TCF25: variants seen among roughly 807,000 people sequenced by gnomAD.
The protein encoded by TCF25 is ribosome quality control complex subunit TCF25.
TCF25 carries 41 observed loss-of-function variants against 83.1 expected under a neutral mutation model. The observed-to-expected ratio is 0.49, with a 90% CI of 0.38 to 0.64. The LOEUF is 0.64. Ranked by LOEUF, TCF25 falls within the 30% of genes least tolerant of loss-of-function variation. The pLI, the probability that TCF25 is intolerant of heterozygous loss-of-function variation, is 0.00. For missense variants in TCF25, 979 were observed against 914.5 expected, an observed-to-expected ratio of 1.07 and a Z score of -0.91; for synonymous variants, 458 against 365.0, an observed-to-expected ratio of 1.25 and a Z score of -2.90.
At chr16:89,896,798 C>T (rs2043893201) in intron 9 of TCF25, among the ~76,000 whole-genome samples, 1 of 152,094 alleles carries the variant, frequency 6.6e-6, no homozygotes, top group African/African-American at 2.4e-5. Context: ...TTGCGATCCA[C>T]CCGCCTCGGC....
At chr16:89,875,769 G>A (rs1235376251) in intron 1 of TCF25, among the ~76,000 whole-genome samples, 2 of 146,266 alleles carry the variant, frequency 1.4e-5, no homozygotes, top group East Asian at 2.0e-4. Context: ...TGATCCGCCT[G>A]CCTCGGCCTC....
At chr16:89,886,842 C>G (rs549052056) in intron 4 of TCF25, among the ~76,000 whole-genome samples, 27 of 152,088 alleles carry the variant, frequency 1.8e-4, no homozygotes, top group African/African-American at 6.3e-4. Flanking sequence ...GAGGCTGAGG[C>G]AGGAGAATCG....
rs549723558 is a variant in TCF25, at chr16:89,906,029, C to T, written c.1629-165C>T. 4.8e-5 allele frequency: 31 copies of T among 642,540 alleles called. No homozygotes were observed. In the African/African-American group the frequency reaches 5.5e-4, roughly 11 times the overall value. The allele number at this position is 642,540 out of a possible 1,614,324, so 39.8% of individuals were successfully genotyped here. A position where few individuals can be genotyped will look rare whatever the true frequency, so the allele number is the denominator to read the frequency against. On this transcript the variant is annotated intron_variant, in intron 14 of 17. Transcript: ENST00000263346. Reference sequence around the variant, plus strand: ...GGCTCCCCAGCCGCAGGCCAGGGACCAGCCATGGTGCCTCTGCTCGAGAGT... The same window carrying T: ...GGCTCCCCAGCCGCAGGCCAGGGACTAGCCATGGTGCCTCTGCTCGAGAGT...
Position 89,905,861 on chromosome 16 carries a change from G to A in TCF25, c.1629-333G>A, listed in dbSNP as rs538586372. 2.0e-4 allele frequency among the ~76,000 whole-genome samples: 31 copies of A among 152,358 alleles called. 1 individual carries two copies. Among genetic ancestry groups the A allele is most frequent in the Middle Eastern group, 3.4e-3 (1 of 294 alleles). On this transcript the variant is annotated intron_variant, in intron 14 of 17. Transcript: ENST00000263346. ...CTGTGCCTGTAGCCGTAGCAGTGAC[G>A]ATGGTGACACACCCAGGTGTCCCTT... is the stretch of plus-strand genomic sequence containing the variant.
At chr16:89,882,133 A>G (rs2042656340) in intron 1 of TCF25, among the ~76,000 whole-genome samples, 1 of 152,176 alleles carries the variant, frequency 6.6e-6, no homozygotes, top group African/African-American at 2.4e-5. Context: ...TCCAATCTGT[A>G]TGTGAATGTA....
intron 6 of TCF25, 33 bp from the exon 7 acceptor site, chr16:89,893,695 G>A (rs192966023): frequency 6.5e-5 from 105 of 1,612,882 alleles, no homozygotes; most frequent in East Asian, 4.5e-4. Context: ...CCCTGCTCCC[G>A]GCACACCCTC....
At chr16:89,906,630 G>A (rs2044809292) in intron 15 of TCF25, among the ~76,000 whole-genome samples, 3 of 152,184 alleles carry the variant, frequency 2.0e-5, no homozygotes, top group Admixed American at 2.0e-4. Context: ...CTGTGCTGGA[G>A]GTGCCGTTTC....
Position 89,909,339 on chromosome 16 carries a change from G to A in TCF25, c.1800-1252G>A, listed in dbSNP as rs145604537. 9.3e-4 allele frequency: 340 copies of A among 365,338 alleles called. 1 individual carries two copies. The highest frequency in any genetic ancestry group is 2.1e-3 in the Middle Eastern group (2 of 962). 22.6% of individuals were successfully genotyped at this position (365,338 alleles called of 1,614,324 possible). On this transcript the variant is annotated intron_variant, in intron 16 of 17. Transcript: ENST00000263346. ...AGCCTGGCCAACGTGCTGAAAACCC[G>A]TCTCTACTAAAATACAAAAAAATTA...
chr16:89,885,128 C>A (rs899897369), intron 3 of TCF25, among the ~76,000 whole-genome samples: 3 of 151,326 alleles, frequency 2.0e-5, no homozygotes, highest in East Asian at 1.9e-4. Context: ...CTGACGCTCT[C>A]TCCATTCTCT....
chr16:89,882,829 C>T (rs1298305178), intron 1 of TCF25, among the ~76,000 whole-genome samples: 1 of 152,150 alleles, frequency 6.6e-6, no homozygotes, highest in African/African-American at 2.4e-5. Flanking sequence ...TCAAGTGATC[C>T]GCCTGCATCA....
chr16:89,896,850 G>A (rs1170503180), intron 9 of TCF25, among the ~76,000 whole-genome samples: 2 of 152,026 alleles, frequency 1.3e-5, no homozygotes, highest in African/African-American at 2.4e-5. Flanking sequence ...CACCGCGCCC[G>A]GCCACTACAG....
At position 89,898,449 on chromosome 16, in the gene TCF25, C is replaced by G. The variant is rs978043957; in HGVS notation, c.1023-108C>G. On this transcript the variant is annotated intron_variant, in intron 9 of 17. Coordinates refer to ENST00000263346, the MANE Select transcript of TCF25 (RefSeq NM_014972.3). ...GTGGGGTGGAATGGGTGGTACTGGC[C>G]AGGACGCTGAGCAGAGGGCGGGGTG... 20 of 1,079,148 alleles carry G rather than the reference C, an allele frequency of 1.9e-5. No homozygotes were observed. In the African/African-American group the frequency reaches 2.9e-4, roughly 15 times the overall value. 66.8% of individuals were successfully genotyped at this position (1,079,148 alleles called of 1,614,324 possible). A position where few individuals can be genotyped will look rare whatever the true frequency, so the allele number is the denominator to read the frequency against.
chr16:89,907,029 C>T (rs1001019478), intron 15 of TCF25, among the ~76,000 whole-genome samples: 50 of 152,054 alleles, frequency 3.3e-4, no homozygotes, highest in Admixed American at 3.9e-4. Flanking sequence ...AGGTTCATCT[C>T]GACTCCCGTG....
rs549398130 is a variant in TCF25, at chr16:89,901,390, T to G, written c.1381+596T>G. On this transcript the variant is annotated intron_variant, in intron 12 of 17. Coordinates refer to ENST00000263346, the MANE Select transcript of TCF25 (RefSeq NM_014972.3). ...GGAGCTGTGAGGGGTGAGGGTGAAA[T>G]CCCTCCTTAAGACGAGCCTCCTCTG... is the stretch of plus-strand genomic sequence containing the variant. Among the ~76,000 whole-genome samples the G allele has an allele frequency of 5.9e-5, 9 of 151,618 alleles. 1 individual carries two copies. The South Asian group carries it at 1.9e-3, about 31-fold the overall frequency.
chr16:89,896,617 G>C (rs1156486774), intron 9 of TCF25, among the ~76,000 whole-genome samples: 1 of 148,930 alleles, frequency 6.7e-6, no homozygotes, highest in Non-Finnish European at 1.5e-5. Flanking sequence ...GCAGGGGCGC[G>C]ATCTCGGCTC....
intron 14 of TCF25, among the ~76,000 whole-genome samples, chr16:89,905,492 T>C (rs2044700439): frequency 6.6e-6 from 1 of 152,206 alleles, no homozygotes; most frequent in South Asian, 2.1e-4. Flanking sequence ...CATGCCCTAA[T>C]ATGCTGCAAC....
At chr16:89,876,528 T>C (rs898745714) in intron 1 of TCF25, among the ~76,000 whole-genome samples, 1 of 152,166 alleles carries the variant, frequency 6.6e-6, no homozygotes, top group African/African-American at 2.4e-5. Context: ...CCTCCCAAAG[T>C]GCTGGAATTG....
intron 16 of TCF25, among the ~76,000 whole-genome samples, chr16:89,908,036 C>T (rs1257291309): frequency 7.1e-6 from 1 of 140,994 alleles, no homozygotes; most frequent in Non-Finnish European, 1.5e-5. Context: ...TCCCAGCTCC[C>T]ACCTCCTACC....
chr16:89,892,326 G>T, intron 6 of TCF25, 51 bp downstream of exon 6: 1 of 1,565,388 alleles, frequency 6.4e-7, no homozygotes. Context: ...GGCGTTGTCT[G>T]TGCACTGGCC....
Sources: gnomAD v4.1 joint callset for allele counts (sites outside exome capture counted in the v4.1 genomes callset) on GRCh38, gnomAD v4.1.1 for gene constraint, MANE v1.5 for transcripts, NCBI Gene and HGNC (gene_info 2026-07-23, HGNC 2026-07-21) for gene names.